Variants in TCF7L2 observed in about 807,000 individuals in gnomAD.
TCF7L2 encodes transcription factor 7-like 2.
In TCF7L2, 23 loss-of-function variants were observed where a neutral mutation model predicts 77.9. That is an observed-to-expected ratio of 0.30 (90% CI 0.21 to 0.42). The LOEUF is 0.42. TCF7L2 is among the 10% of genes least tolerant of loss of function. The probability of loss-of-function intolerance (pLI) is 1.00; values close to 1 mark genes in which losing one functional copy is unlikely to be tolerated. For synonymous variants in TCF7L2, 413 were observed against 340.2 expected (o/e 1.21, Z -2.36); for missense variants, 654 against 793.1 (o/e 0.82, Z 2.11).
At chr10:113,026,923 G>T (rs2049287876) in intron 4 of TCF7L2, among the ~76,000 whole-genome samples, 1 of 152,184 alleles carries the variant, frequency 6.6e-6, no homozygotes, top group African/African-American at 2.4e-5. Context: ...ACATACTAAT[G>T]AGCTAAGTGG....
At chr10:113,134,118 A>G (rs1483795928) in intron 5 of TCF7L2, among the ~76,000 whole-genome samples, 1 of 152,210 alleles carries the variant, frequency 6.6e-6, no homozygotes, top group Non-Finnish European at 1.5e-5. Flanking sequence ...CCAGGGAAAC[A>G]ATCCACCATT....
chr10:113,120,817 G>A (rs1305827696), intron 5 of TCF7L2, among the ~76,000 whole-genome samples: 1 of 152,162 alleles, frequency 6.6e-6, no homozygotes, highest in Non-Finnish European at 1.5e-5. Flanking sequence ...CAAAGCCTCA[G>A]GAAGTATGAG....
chr10:113,026,300 C>G (rs1215153357), intron 4 of TCF7L2, among the ~76,000 whole-genome samples: 1 of 152,052 alleles, frequency 6.6e-6, no homozygotes, highest in Non-Finnish European at 1.5e-5. Context: ...TACAGATACC[C>G]ACCACCATGC....
chr10:113,113,813 G>A (rs1400297382), intron 5 of TCF7L2, among the ~76,000 whole-genome samples: 1 of 152,120 alleles, frequency 6.6e-6, no homozygotes, highest in Admixed American at 6.5e-5. Flanking sequence ...TTAAGAGAGA[G>A]GGGAATAAGA....
At chr10:113,088,650 G>A (rs1473935085) in intron 5 of TCF7L2, among the ~76,000 whole-genome samples, 4 of 152,130 alleles carry the variant, frequency 2.6e-5, no homozygotes, top group Non-Finnish European at 4.4e-5. Context: ...AGGAAAAGGT[G>A]TTAAGGTATG....
At chr10:113,115,346 T>C (rs58637621) in intron 5 of TCF7L2, among the ~76,000 whole-genome samples, 7,561 of 152,316 alleles carry the variant, frequency 0.05, 640 homozygotes, top group African/African-American at 0.17. Context: ...ATACCAAATA[T>C]ACATTTTGAA....
At chr10:113,092,975 G>A (rs527587944) in intron 5 of TCF7L2, among the ~76,000 whole-genome samples, 2 of 152,330 alleles carry the variant, frequency 1.3e-5, no homozygotes, top group South Asian at 4.1e-4. Flanking sequence ...GGAACCTCTT[G>A]TGACTGGTCG....
chr10:113,166,572 T>TG lies in TCF7L2; in HGVS notation c.*606dup. 2 of 228,178 alleles carry TG rather than the reference T, an allele frequency of 8.8e-6. No individual in the cohort carries two copies. 14.1% of individuals were successfully genotyped at this position (228,178 alleles called of 1,614,324 possible). A position where few individuals can be genotyped will look rare whatever the true frequency, so the allele number is the denominator to read the frequency against. ...ACCTTGTTCCATGGTGTTGTTCTTTTGGGGGGAGGGGACGCTACTCAACAC... is the reference window on the plus strand; with the variant it reads ...ACCTTGTTCCATGGTGTTGTTCTTTTGGGGGGGAGGGGACGCTACTCAACAC... On this transcript the variant is annotated 3_prime_UTR_variant, in exon 14 of 14. Transcript: ENST00000627217.
chr10:113,126,882 G>T (rs2065719667), intron 5 of TCF7L2: 1 of 985,566 alleles, frequency 1.0e-6, no homozygotes, highest in African/African-American at 1.7e-5. Flanking sequence ...TCTCTAGATG[G>T]TAAGCGCGGC....
At chr10:112,953,033 G>A (rs1347777621) in intron 3 of TCF7L2, among the ~76,000 whole-genome samples, 7 of 152,102 alleles carry the variant, frequency 4.6e-5, no homozygotes, top group Non-Finnish European at 1.0e-4. Flanking sequence ...GGTAACTCTA[G>A]ATAGCAATTT....
chr10:113,157,856 A>C, intron 11 of TCF7L2, 165 bp from the exon 12 acceptor site: 1 of 653,176 alleles, frequency 1.5e-6, no homozygotes, highest in South Asian at 1.9e-5. Flanking sequence ...ATGCAAGGGC[A>C]TTTGGCTTGA....
Position 113,054,229 on chromosome 10 carries a change from T to C in TCF7L2, c.552+14103T>C, listed in dbSNP as rs558999435. Among the ~76,000 whole-genome samples, 36 of 152,384 alleles carry C rather than the reference T, an allele frequency of 2.4e-4. No homozygotes were observed. The South Asian group carries it at 7.5e-3, about 32-fold the overall frequency. ...ATTCATCCTAAATTATACCTCCTTT[T>C]ATACCATGTGTGTCTGCAAACTTGT... is the stretch of plus-strand genomic sequence containing the variant. On this transcript the variant is annotated intron_variant, in intron 5 of 13. Transcript: ENST00000627217.
intron 5 of TCF7L2, among the ~76,000 whole-genome samples, chr10:113,139,426 C>G (rs902500170): frequency 6.6e-6 from 1 of 152,230 alleles, no homozygotes; most frequent in Non-Finnish European, 1.5e-5. Flanking sequence ...AGCAGCCCTT[C>G]ACCCTGGCCA....
chr10:112,991,773 G>GGGGA (rs1381777441), intron 4 of TCF7L2, among the ~76,000 whole-genome samples: 1 of 152,146 alleles, frequency 6.6e-6, no homozygotes, highest in African/African-American at 2.4e-5. Flanking sequence ...TGTGCTTTTT[G>GGGGA]GGGAGGGAGC....
chr10:113,125,479 T>TG (rs1187518909), intron 5 of TCF7L2: 2 of 151,528 alleles, frequency 1.3e-5, no homozygotes, highest in East Asian at 4.3e-4. Flanking sequence ...GATGATATTG[T>TG]GGGTTTTTTC....
At chr10:112,966,184 T>TATATATATATATATA (rs2036754580) in intron 4 of TCF7L2, among the ~76,000 whole-genome samples, 5 of 114,230 alleles carry the variant, frequency 4.4e-5, no homozygotes, top group African/African-American at 2.4e-4. Context: ...TAAAATATAT[T>TATATATATATATATA]TATATATATA....
intron 10 of TCF7L2, 110 bp from the exon 11 acceptor site, chr10:113,152,223 C>T (rs1225677894): frequency 6.9e-6 from 7 of 1,019,502 alleles, no homozygotes; most frequent in South Asian, 1.3e-5. Context: ...GACGGACTCA[C>T]CCAAAAAGGC....
chr10:113,119,812 G>A (rs1190115134), intron 5 of TCF7L2, among the ~76,000 whole-genome samples: 1 of 152,104 alleles, frequency 6.6e-6, no homozygotes, highest in Non-Finnish European at 1.5e-5. Context: ...TTATCTTCTG[G>A]CCTTTAGGGA....
intron 4 of TCF7L2, among the ~76,000 whole-genome samples, chr10:112,991,646 G>A (rs1178641925): frequency 6.6e-6 from 1 of 152,144 alleles, no homozygotes; most frequent in East Asian, 1.9e-4. Flanking sequence ...CTCTTTAGAT[G>A]GTCCCCACCA....
Sources: allele counts gnomAD v4.1 joint callset (sites outside exome capture counted in the v4.1 genomes callset), GRCh38; gene constraint gnomAD v4.1.1; transcripts MANE v1.5; gene names NCBI Gene and HGNC (gene_info 2026-07-23, HGNC 2026-07-21).